MTHFD1: variants seen among roughly 807,000 people sequenced by gnomAD.
The protein encoded by MTHFD1 is C-1-tetrahydrofolate synthase, cytoplasmic.
In MTHFD1, 44 loss-of-function variants were observed where a neutral mutation model predicts 110.3. The observed-to-expected ratio is 0.40, with a 90% confidence interval of 0.31 to 0.51. The LOEUF (loss-of-function observed/expected upper bound fraction) is 0.51, where lower values mean the gene tolerates loss of function less well. Ranked by LOEUF, MTHFD1 falls within the 20% of genes least tolerant of loss-of-function variation. The pLI is 0.60. For synonymous variants in MTHFD1, 402 were observed against 428.8 expected (o/e 0.94, Z 0.77); for missense variants, 909 against 1,173.1 (o/e 0.77, Z 3.29).
chr14:64,388,520 G>A (rs2077781214), intron 1 of MTHFD1, 52 bp downstream of exon 1: 14 of 1,551,860 alleles, frequency 9.0e-6, no homozygotes, highest in Non-Finnish European at 1.2e-5. Flanking sequence ...AGGGCTCTGA[G>A]GGTGTGCAGG....
rs1293465935 is a variant in MTHFD1, at chr14:64,424,947, A to T, written c.855+16A>T. 3.7e-6 allele frequency: 6 copies of T among 1,614,016 alleles called. No homozygotes were observed. ...GCTCATGCAGGTAATTGTGAATAAA[A>T]GTTTCTATAAGAGTTCTGAAAAGCT... On this transcript the variant is annotated intron_variant, in intron 9 of 27. Coordinates refer to ENST00000652337, the MANE Select transcript of MTHFD1 (RefSeq NM_005956.4).
intron 15 of MTHFD1, among the ~76,000 whole-genome samples, chr14:64,434,895 C>T (rs1036417623): frequency 3.4e-5 from 5 of 147,920 alleles, no homozygotes; most frequent in Non-Finnish European, 6.0e-5. Context: ...TCATGGCTCA[C>T]TGCAGCCTTG....
chr14:64,459,167 G>C (rs2140994907), intron 27 of MTHFD1, among the ~76,000 whole-genome samples: 1 of 152,288 alleles, frequency 6.6e-6, no homozygotes, highest in South Asian at 2.1e-4. Flanking sequence ...GCAAGGGTTT[G>C]CCACCCCACA....
intron 17 of MTHFD1, chr14:64,439,412 A>G (rs1054819674): frequency 3.5e-6 from 2 of 567,484 alleles, no homozygotes; most frequent in Non-Finnish European, 6.3e-6. Flanking sequence ...GAGAGCCCCA[A>G]GTGAATATCC....
At position 64,417,619 on chromosome 14, in the gene MTHFD1, T is replaced by G. The variant is rs532689718; in HGVS notation, c.479-269T>G. On this transcript the variant is annotated intron_variant, in intron 6 of 27. Transcript: ENST00000652337. The surrounding 1 kb of genome is among the most constrained non-coding windows in gnomAD (Gnocchi z 4.4). ...TTTCTTTTTTCTTTGAGTGTAGGTT[T>G]TCTTCCCACTCCCCTATGACTCAAT... Among the ~76,000 whole-genome samples, 154 of 152,332 alleles carry G rather than the reference T, an allele frequency of 1.0e-3. No homozygotes were observed. The highest frequency in any genetic ancestry group is 3.7e-3 in the African/African-American group (153 of 41,568).
intron 12 of MTHFD1, among the ~76,000 whole-genome samples, chr14:64,428,554 C>T (rs1464178025): frequency 1.1e-5 from 1 of 95,222 alleles, no homozygotes; most frequent in Non-Finnish European, 2.0e-5. Context: ...CACCCTTCCA[C>T]CTTTTTTTTT....
chr14:64,401,579 T>C (rs1466583913), intron 2 of MTHFD1, among the ~76,000 whole-genome samples: 1 of 151,662 alleles, frequency 6.6e-6, no homozygotes, highest in Non-Finnish European at 1.5e-5. Context: ...GGTGGGCGCC[T>C]GTAATCCCAG....
chr14:64,399,185 T>C (rs2077878636), intron 1 of MTHFD1, among the ~76,000 whole-genome samples: 1 of 152,230 alleles, frequency 6.6e-6, no homozygotes, highest in African/African-American at 2.4e-5. Flanking sequence ...AGTTTGTTCC[T>C]GTAAAATTTT....
At chr14:64,392,006 A>G (rs571129900) in intron 1 of MTHFD1, among the ~76,000 whole-genome samples, 7 of 152,226 alleles carry the variant, frequency 4.6e-5, no homozygotes, top group Non-Finnish European at 8.8e-5. Flanking sequence ...AGCAGAAAAG[A>G]GGGACAGGAG....
At position 64,435,155 on chromosome 14, in the gene MTHFD1, T is replaced by G. The variant is rs1007532344; in HGVS notation, c.1495-414T>G. 2.0e-5 allele frequency among the ~76,000 whole-genome samples: 3 copies of G among 151,870 alleles called. No individual in the cohort carries two copies. In the East Asian group the frequency reaches 5.8e-4, roughly 29 times the overall value. On this transcript the variant is annotated intron_variant, in intron 15 of 27. Transcript: ENST00000652337. ...TAGTAGAGACAGGGTTTCACCGTGTTGGCCAGGCTGGTCTCAAACTCCTGA... is the reference window on the plus strand; with the variant it reads ...TAGTAGAGACAGGGTTTCACCGTGTGGGCCAGGCTGGTCTCAAACTCCTGA...
At chr14:64,442,484 C>G (rs2078257085) in intron 21 of MTHFD1, 82 bp downstream of exon 21, 2 of 1,409,010 alleles carry the variant, frequency 1.4e-6, no homozygotes, top group Non-Finnish European at 2.0e-6. Context: ...CCTGTTTCTT[C>G]ATTGAGTTGC....
At chr14:64,441,720 G>A (rs546101083) in intron 19 of MTHFD1, 75 of 545,448 alleles carry the variant, frequency 1.4e-4, no homozygotes, top group African/African-American at 3.8e-4. Flanking sequence ...GCAGAATGGC[G>A]TGAACCTGGG....
chr14:64,427,912 C>T (rs73277976), intron 12 of MTHFD1, among the ~76,000 whole-genome samples: 9,424 of 152,106 alleles, frequency 0.062, 510 homozygotes, highest in African/African-American at 0.16. Context: ...GCATATTATT[C>T]TATCATCCAG....
intron 15 of MTHFD1, among the ~76,000 whole-genome samples, chr14:64,434,826 T>G (rs1259204338): frequency 8.6e-5 from 13 of 151,592 alleles, no homozygotes; most frequent in East Asian, 3.9e-4. Flanking sequence ...ATTCTGTTTT[T>G]TTTTTTTTTT....
chr14:64,429,138 G>A (rs2078139757), intron 12 of MTHFD1, among the ~76,000 whole-genome samples: 1 of 151,246 alleles, frequency 6.6e-6, no homozygotes. Context: ...GACCAGCCAG[G>A]CCAACATGGC....
chr14:64,431,438 T>A (rs988349321), intron 13 of MTHFD1, 94 bp from the exon 14 acceptor site: 4 of 1,070,150 alleles, frequency 3.7e-6, no homozygotes, highest in Non-Finnish European at 5.6e-6. Flanking sequence ...AGTATTCCAT[T>A]GGCTTTAAAA....
chr14:64,451,398 T>C (rs1003942765), intron 24 of MTHFD1, among the ~76,000 whole-genome samples: 1 of 152,220 alleles, frequency 6.6e-6, no homozygotes, highest in Non-Finnish European at 1.5e-5. Context: ...CTTATTACTC[T>C]TGAGTTTTAG....
intron 26 of MTHFD1, among the ~76,000 whole-genome samples, chr14:64,456,574 T>A (rs2078477223): frequency 6.6e-6 from 1 of 152,200 alleles, no homozygotes; most frequent in African/African-American, 2.4e-5. Context: ...TAGGGTTTTC[T>A]GCTGACATGC....
rs1279521549 is a variant in MTHFD1, at chr14:64,444,721, C to T, written c.2165C>T (p.Ala722Val). ...ACTGCTGGACTGCCTCTTCCCAAGG[C>T]TTACATACAGGAGGTAACCTGAGTT... The part of the protein sequence containing the change: ...TVTAGLPLPK[A>V]YIQENLELVE... Residue 722 changes from alanine to valine, a missense_variant, in exon 22 of 28, where the codon GCT (alanine) becomes GTT (valine). Ala to Val is a moderately conservative substitution (Grantham distance 64). Transcript: ENST00000652337. 2 of 1,614,052 alleles carry T rather than the reference C, an allele frequency of 1.2e-6. No homozygotes were observed. Among genetic ancestry groups the T allele is most frequent in the African/African-American group, 1.3e-5 (1 of 75,022 alleles).
Sources: gnomAD v4.1 joint callset for allele counts (sites outside exome capture counted in the v4.1 genomes callset) on GRCh38, gnomAD v4.1.1 for gene constraint, Gnocchi (gnomAD v3.1) non-coding constraint, MANE v1.5 for transcripts, NCBI Gene and HGNC (gene_info 2026-07-23, HGNC 2026-07-21) for gene names.